Variants in SULT1A1 observed in about 807,000 individuals in gnomAD.
SULT1A1 encodes the protein sulfotransferase 1A1.
In SULT1A1, 35 loss-of-function variants were observed where a neutral mutation model predicts 36.8. That is an observed-to-expected ratio of 0.95 (90% CI 0.73 to 1.26). SULT1A1 has a LOEUF of 1.26. Ranked by LOEUF, SULT1A1 falls within the 50% of genes most tolerant of loss-of-function variation. The pLI, the probability that SULT1A1 is intolerant of heterozygous loss-of-function variation, is 0.00. For missense variants in SULT1A1, 309 were observed against 383.0 expected, an observed-to-expected ratio of 0.81 and a Z score of 1.61; for synonymous variants, 119 against 146.0, an observed-to-expected ratio of 0.82 and a Z score of 1.33.
At chr16:28,610,959 G>A (rs117720319), upstream of SULT1A1, 3,033 of 139,124 alleles carry the variant, frequency 0.022, 21 homozygotes, top group Non-Finnish European at 0.031. Flanking sequence ...CAAGCGGACA[G>A]GTGGGAGTGT....
rs145721404 is a variant in SULT1A1, at chr16:28,606,804, C to T, written c.551G>A (p.Arg184His). Residue 184 changes from arginine to histidine, a missense_variant, in exon 6 of 8, where the codon CGC becomes CAC. Physicochemically the swap from Arg to His is conservative, Grantham distance 29. Transcript: ENST00000314752. ...GAAGAGGTAGAGAACAGGGTGGGTGCGGCTCAGCTCCCACCACTCCTGCAC... is the reference window on the plus strand; with the variant it reads ...GAAGAGGTAGAGAACAGGGTGGGTGTGGCTCAGCTCCCACCACTCCTGCAC... ...QHVQEWWELSRTHPVLYLFYE... is the reference protein window; with the variant it reads ...QHVQEWWELSHTHPVLYLFYE... 18 of 1,612,304 alleles carry T rather than the reference C, an allele frequency of 1.1e-5. No individual in the cohort carries two copies. Among genetic ancestry groups the T allele is most frequent in the African/African-American group, 6.7e-5 (5 of 74,840 alleles).
chr16:28,606,786 T>C lies in SULT1A1; in HGVS notation c.569A>G (p.Tyr190Cys), dbSNP rs1337086341. 1 of 1,612,268 alleles carries C rather than the reference T, an allele frequency of 6.2e-7. No individual in the cohort carries two copies. The change falls in exon 6 of 8, where the codon TAC (tyrosine) becomes TGC (cysteine). Residue 190 changes from tyrosine to cysteine, a missense_variant. Transcript: ENST00000314752. ...CTCCTTCATGTCTTCATAGAAGAGG[T>C]AGAGAACAGGGTGGGTGCGGCTCAG... ...WELSRTHPVL[Y>C]LFYEDMKENP... is the part of the protein sequence containing the mutation.
intron 4 of SULT1A1, chr16:28,607,410 A>G (rs1258534076): frequency 4.4e-4 from 138 of 316,796 alleles, no homozygotes; most frequent in African/African-American, 2.8e-3. Context: ...TTAGGTCTAC[A>G]CTGAAGAGTC....
rs1443890537 is a variant in SULT1A1 at position 28,609,789 on chromosome 16, G to A, written c.-5+142C>T. On this transcript the variant is annotated intron_variant, in intron 1 of 7. Coordinates refer to ENST00000314752, the MANE Select transcript of SULT1A1 (RefSeq NM_001055.4). ...AACAAACAAACAAGGGAAGGGAGGG[G>A]GATTCACGCAGGCCAGGGTTGTCTG... The A allele has an allele frequency of 9.1e-5, 85 of 933,924 alleles. No individual in the cohort carries two copies. The African/African-American group carries it at 1.3e-3, about 14-fold the overall frequency. 57.9% of individuals were successfully genotyped at this position (933,924 alleles called of 1,614,324 possible).
chr16:28,607,464 G>A lies in SULT1A1; in HGVS notation c.373-387C>T, dbSNP rs960872322. 1.7e-4 allele frequency: 34 copies of A among 203,962 alleles called. 1 individual carries two copies. Among genetic ancestry groups the A allele is most frequent in the South Asian group, 2.9e-4 (3 of 10,302 alleles). 12.6% of individuals were successfully genotyped at this position (203,962 alleles called of 1,614,324 possible). A position where few individuals can be genotyped will look rare whatever the true frequency, so the allele number is the denominator to read the frequency against. ...GAGCAAGAGGCAGACAGTCCCCGCC[G>A]CAGAAGATGAGACAAGGCTGGAGGA... On this transcript the variant is annotated intron_variant, in intron 4 of 7. Coordinates refer to ENST00000314752, the MANE Select transcript of SULT1A1 (RefSeq NM_001055.4).
Position 28,606,169 on chromosome 16 carries a change from TC to T in SULT1A1, c.661del (p.Asp221ThrfsTer12). On this transcript the variant is annotated frameshift_variant, in exon 7 of 8. Transcript: ENST00000314752. LOFTEE classifies it high-confidence loss of function. ...GAACGACGTGTGCTGAACCACGAAG[TC>T]CACGGTCTCCTCTGGCAGGGAGCGC... ...VGRSLPEETVDFVVQHTSFKE... is the reference protein window; with the variant it reads ...VGRSLPEETVXFVVQHTSFKE... 1 of 1,611,788 alleles carries T rather than the reference TC, an allele frequency of 6.2e-7. No homozygotes were observed. The highest frequency in any genetic ancestry group is 8.5e-7 in the Non-Finnish European group (1 of 1,178,270).
chr16:28,623,311 C>G, exon 1 of SULT1A1: 1 of 1,530,092 alleles, frequency 6.5e-7, no homozygotes, highest in Admixed American at 2.0e-5. Flanking sequence ...TGGCGCCAGT[C>G]GGCCTAGCGG....
intron 1 of SULT1A1, 116 bp from the exon 2 acceptor site, chr16:28,608,975 G>T (rs1478825785): frequency 2.5e-6 from 4 of 1,591,620 alleles, no homozygotes; most frequent in Non-Finnish European, 8.6e-7. Context: ...TGACTTGCCC[G>T]CACTCACAAA....
At chr16:28,609,533 G>T in intron 1 of SULT1A1, 1 of 679,700 alleles carries the variant, frequency 1.5e-6, no homozygotes, top group Non-Finnish European at 2.2e-6. Context: ...GGAGGCTGAG[G>T]CCAGGAGTTG....
At chr16:28,610,293 G>A (rs1350294318), upstream of SULT1A1, 38 of 522,864 alleles carry the variant, frequency 7.3e-5, no homozygotes, top group Middle Eastern at 8.8e-4. Context: ...TTTTTTTTCC[G>A]AGCTGTCACT....
At chr16:28,609,007 G>A (rs1218758099) in intron 1 of SULT1A1, 148 bp from the exon 2 acceptor site, 2 of 1,546,818 alleles carry the variant, frequency 1.3e-6, no homozygotes, top group African/African-American at 1.4e-5. Context: ...GCGGGGCTGG[G>A]GCTGAAAACC....
In SULT1A1 at chr16:28,606,744, A is replaced by C; in HGVS notation, c.594+17T>G. 6.2e-7 allele frequency: 1 copy of C among 1,607,746 alleles called. No individual in the cohort carries two copies. Among genetic ancestry groups the C allele is most frequent in the Non-Finnish European group, 8.5e-7 (1 of 1,176,450 alleles). ...CCCCAGGAGTCACATGGAGGGAAGC[A>C]TCGCACGTGGTCTCACCTCCTTCAT... On this transcript the variant is annotated intron_variant, in intron 6 of 7. Transcript: ENST00000314752.
Position 28,621,146 on chromosome 16 carries a change from T to C in SULT1A1, c.68-1013A>G, listed in dbSNP as rs183461164. 3.6e-4 allele frequency among the ~76,000 whole-genome samples: 54 copies of C among 150,884 alleles called. 3 individuals are homozygous for C. The East Asian group carries it at 6.0e-3, about 17-fold the overall frequency. ...AAAAGAAAAGAAAAAGAGAACAATT[T>C]CACTAATTTCACTAGTTGTTTCCTC... On this transcript the variant is annotated intron_variant, in intron 1 of 5. Transcript: ENST00000350842.
intron 1 of SULT1A1, chr16:28,609,445 G>T (rs1184762636): frequency 1.6e-6 from 2 of 1,250,792 alleles, no homozygotes; most frequent in Non-Finnish European, 2.1e-6. Flanking sequence ...GCTGCTGTGG[G>T]AATGAACAAA....
At chr16:28,606,717 GC>G (rs768960535) in intron 6 of SULT1A1, 43 bp downstream of exon 6, 8 of 1,604,478 alleles carry the variant, frequency 5.0e-6, no homozygotes, top group Non-Finnish European at 6.0e-6. Flanking sequence ...TGAGGTGCCT[GC>G]CCCCAGGAGT....
intron 6 of SULT1A1, among the ~76,000 whole-genome samples, chr16:28,606,542 GC>G (rs1246229694): frequency 1.3e-5 from 2 of 151,846 alleles, no homozygotes; most frequent in East Asian, 1.9e-4. Context: ...CTGATCCGTG[GC>G]CCCCCATGCA....
intron 1 of SULT1A1, among the ~76,000 whole-genome samples, chr16:28,622,436 T>C (rs572037674): frequency 7.2e-5 from 11 of 152,002 alleles, no homozygotes; most frequent in Non-Finnish European, 8.8e-5. Context: ...AAGGAGAGGG[T>C]TCCCTGAACC....
chr16:28,618,681 C>T (rs748351787), intron 2 of SULT1A1, among the ~76,000 whole-genome samples: 10 of 151,924 alleles, frequency 6.6e-5, no homozygotes, highest in South Asian at 4.2e-4. Context: ...ATATTTGTGC[C>T]GAGCAAACAG....
Position 28,621,662 on chromosome 16 carries a change from C to T in SULT1A1, c.67+1469G>A, listed in dbSNP as rs114925930. On this transcript the variant is annotated intron_variant, in intron 1 of 5. Transcript: ENST00000350842. ...TTGCAAATCTAGTCTGCAAATCACA[C>T]GCCGGGACCAGGCACAGACCTTCTG... 9.4e-3 allele frequency among the ~76,000 whole-genome samples: 1,432 copies of T among 152,084 alleles called. 18 individuals are homozygous for T. The highest frequency in any genetic ancestry group is 0.025 in the African/African-American group (1,030 of 41,492).
Sources: allele counts gnomAD v4.1 joint callset (sites outside exome capture counted in the v4.1 genomes callset), GRCh38; gene constraint gnomAD v4.1.1; transcripts MANE v1.5; gene names NCBI Gene and HGNC (gene_info 2026-07-23, HGNC 2026-07-21).